YEATS2: variants seen among roughly 807,000 people sequenced by gnomAD.
The protein encoded by YEATS2 is YEATS domain containing 2, also known as YEATS domain-containing protein 2.
A neutral mutation model predicts 163.2 loss-of-function variants in YEATS2; 77 were observed. The observed-to-expected ratio is 0.47, with a 90% CI of 0.39 to 0.57. The LOEUF (loss-of-function observed/expected upper bound fraction) is 0.57. YEATS2 is among the 20% of genes least tolerant of loss of function. The pLI, the probability that YEATS2 is intolerant of heterozygous loss-of-function variation, is 0.00. For missense variants in YEATS2, 1,549 were observed against 1,729.8 expected (o/e 0.90, Z 1.85); for synonymous variants, 631 against 645.1 (o/e 0.98, Z 0.33).
chr3:183,711,182 T>TTTA, intron 1 of YEATS2, among the ~76,000 whole-genome samples: 1 of 152,228 alleles, frequency 6.6e-6, no homozygotes, highest in Admixed American at 6.5e-5. Context: ...TTTTAAAAGC[T>TTTA]TTAAACAGCT....
intron 7 of YEATS2, among the ~76,000 whole-genome samples, chr3:183,732,134 T>G (rs1577074907): frequency 2.6e-5 from 4 of 152,240 alleles, no homozygotes; most frequent in Admixed American, 2.6e-4. Flanking sequence ...TTCTCGATGT[T>G]TAGGACCTTA....
At chr3:183,716,922 T>C (rs78882461) in intron 2 of YEATS2, among the ~76,000 whole-genome samples, 1 of 152,062 alleles carries the variant, frequency 6.6e-6, no homozygotes, top group Admixed American at 6.5e-5. Flanking sequence ...TTTTTTTTTT[T>C]CGCTCTGTCA....
intron 6 of YEATS2, among the ~76,000 whole-genome samples, chr3:183,726,364 A>G (rs1717098848): frequency 6.6e-6 from 1 of 152,178 alleles, no homozygotes; most frequent in Non-Finnish European, 1.5e-5. Context: ...TTAGTTTGTA[A>G]CAAAAGGTTG....
chr3:183,759,455 A>T (rs1356989252), intron 13 of YEATS2, among the ~76,000 whole-genome samples: 1 of 152,218 alleles, frequency 6.6e-6, no homozygotes, highest in Non-Finnish European at 1.5e-5. Context: ...TTATAAAAAT[A>T]TTCATCTGAC....
chr3:183,713,106 G>T (rs894637039), intron 1 of YEATS2, among the ~76,000 whole-genome samples: 3 of 152,092 alleles, frequency 2.0e-5, no homozygotes, highest in African/African-American at 7.2e-5. Flanking sequence ...TCCTGTAAGT[G>T]TAAAATACAC....
chr3:183,774,114 A>G (rs1183013120), intron 17 of YEATS2, among the ~76,000 whole-genome samples: 1 of 152,326 alleles, frequency 6.6e-6, no homozygotes, highest in South Asian at 2.1e-4. Flanking sequence ...GGGAAGATCC[A>G]TCTACTTATA....
At position 183,786,242 on chromosome 3, in the gene YEATS2, G is replaced by T. The variant is rs1460810107; in HGVS notation, c.2854G>T (p.Val952Phe). 4.3e-6 allele frequency: 7 copies of T among 1,614,000 alleles called. No individual in the cohort carries two copies. Among genetic ancestry groups the T allele is most frequent in the Admixed American group, 3.3e-5 (2 of 59,988 alleles). Residue 952 changes from valine (V) to phenylalanine (F), a missense_variant, in exon 20 of 31, where the codon GTT becomes TTT. Coordinates refer to ENST00000305135, the MANE Select transcript of YEATS2 (RefSeq NM_018023.5). ...CACAATGCTGAGAGTAGCAGGAGGG[G>T]TTATCACAACTGCCACTTCCCCTGC... ...GTTMLRVAGGVITTATSPAVA... is the reference protein window; with the variant it reads ...GTTMLRVAGGFITTATSPAVA...
At chr3:183,772,758 TACACACACAC>T (rs139500481) in intron 16 of YEATS2, among the ~76,000 whole-genome samples, 195 bp downstream of exon 16, 2 of 78,756 alleles carry the variant, frequency 2.5e-5, no homozygotes, top group African/African-American at 7.8e-5. Context: ...GCTTTAAATT[TACACACACAC>T]ACACACACAC....
In YEATS2 at chr3:183,764,217, A is replaced by G. The variant is rs527292001; in HGVS notation, c.1947+1938A>G. Among the ~76,000 whole-genome samples the G allele has an allele frequency of 1.8e-3, 279 of 152,098 alleles. 3 individuals carry two copies. Among genetic ancestry groups the G allele is most frequent in the South Asian group, 6.6e-3 (32 of 4,818 alleles). On this transcript the variant is annotated intron_variant, in intron 15 of 30. Transcript: ENST00000305135. Reference sequence around the variant, plus strand: ...GTGAAACTGTCTCTACCAAAAATACAAGAATTAGGTGGACATGGTGTCGGG... The same window carrying G: ...GTGAAACTGTCTCTACCAAAAATACGAGAATTAGGTGGACATGGTGTCGGG...
intron 27 of YEATS2, chr3:183,806,313 G>C (rs181205950): frequency 2.2e-6 from 1 of 456,274 alleles, no homozygotes; most frequent in African/African-American, 2.0e-5. Context: ...CTTAAATCTT[G>C]TACCTGGTGT....
chr3:183,709,675 ATTT>A (rs774989436), intron 1 of YEATS2, among the ~76,000 whole-genome samples: 5 of 125,132 alleles, frequency 4.0e-5, no homozygotes, highest in Non-Finnish European at 3.3e-5. Flanking sequence ...AATGAGATAA[ATTT>A]TTTTTTTTTT....
chr3:183,812,500 A>G lies in YEATS2; in HGVS notation c.*1917A>G, dbSNP rs1726890920. 1 of 152,680 alleles carries G rather than the reference A, an allele frequency of 6.5e-6. No individual in the cohort carries two copies. The highest frequency in any genetic ancestry group is 6.5e-5 in the Admixed American group (1 of 15,284). 9.5% of individuals were successfully genotyped at this position (152,680 alleles called of 1,614,324 possible). A position where few individuals can be genotyped will look rare whatever the true frequency, so the allele number is the denominator to read the frequency against. ...GCAGGTATCACAGCCTAAAGAAATT[A>G]TCTTTTTGCAAAAGAAATATTAAAT... On this transcript the variant is annotated 3_prime_UTR_variant, in exon 31 of 31. Coordinates refer to ENST00000305135, the MANE Select transcript of YEATS2 (RefSeq NM_018023.5).
intron 5 of YEATS2, 118 bp from the exon 6 acceptor site, chr3:183,724,300 AT>A: frequency 1.4e-6 from 1 of 711,140 alleles, no homozygotes; most frequent in Non-Finnish European, 2.3e-6. Flanking sequence ...AAGCCAGAAA[AT>A]TTTGTAATTT....
intron 4 of YEATS2, among the ~76,000 whole-genome samples, chr3:183,719,417 G>A (rs970635197): frequency 5.9e-5 from 9 of 152,152 alleles, no homozygotes; most frequent in African/African-American, 1.2e-4. Context: ...GATTACAGGC[G>A]TGAGCCACCG....
At chr3:183,800,654 G>A in intron 24 of YEATS2, 86 bp downstream of exon 24, 2 of 1,115,632 alleles carry the variant, frequency 1.8e-6, no homozygotes, top group Admixed American at 2.0e-5. Flanking sequence ...AGTTGTGTGT[G>A]TGTAGCTCTA....
chr3:183,807,731 G>A (rs263028), intron 28 of YEATS2: 134,311 of 298,428 alleles, frequency 0.45, 31,079 homozygotes, highest in Middle Eastern at 0.54. Context: ...CTTTCAAAGT[G>A]TTGATTGCGT....
chr3:183,806,225 C>T, intron 27 of YEATS2: 1 of 449,966 alleles, frequency 2.2e-6, no homozygotes, highest in Non-Finnish European at 4.4e-6. Context: ...GGATATAGCC[C>T]CAGCCATCAT....
intron 15 of YEATS2, among the ~76,000 whole-genome samples, chr3:183,764,700 G>C (rs1323569627): frequency 1.3e-5 from 2 of 151,482 alleles, no homozygotes; most frequent in Admixed American, 6.6e-5. Flanking sequence ...CCAGCTACTC[G>C]GGAGGCTGAG....
At chr3:183,743,493 C>T (rs181746659) in intron 8 of YEATS2, among the ~76,000 whole-genome samples, 177 of 152,146 alleles carry the variant, frequency 1.2e-3, no homozygotes, top group Admixed American at 3.1e-3. Context: ...GCGCATGCCA[C>T]TACACTCAGT....
Sources: gnomAD v4.1 joint callset for allele counts (sites outside exome capture counted in the v4.1 genomes callset) on GRCh38, gnomAD v4.1.1 for gene constraint, MANE v1.5 for transcripts, NCBI Gene and HGNC (gene_info 2026-07-23, HGNC 2026-07-21) for gene names.